MMP16: variants seen among roughly 807,000 people sequenced by gnomAD.
MMP16 encodes the protein matrix metalloproteinase-16.
MMP16 carries 12 observed loss-of-function variants against 67.8 expected under a neutral mutation model. The observed-to-expected ratio is 0.18, with a 90% CI of 0.11 to 0.29. The LOEUF (loss-of-function observed/expected upper bound fraction) is 0.29, where lower values mean the gene tolerates loss of function less well. MMP16 is among the 10% of genes least tolerant of loss of function. MMP16 has a pLI of 1.00. For synonymous variants in MMP16, 249 were observed against 255.9 expected (o/e 0.97, Z 0.26); for missense variants, 475 against 765.7 (o/e 0.62, Z 4.48).
intron 8 of MMP16, among the ~76,000 whole-genome samples, chr8:88,051,915 AT>A (rs1808276258): frequency 6.6e-6 from 1 of 152,208 alleles, no homozygotes; most frequent in Admixed American, 6.5e-5. Context: ...ATTGTAGTGT[AT>A]TAACAAAAGG....
Position 88,032,548 on chromosome 8 carries a change from G to A in MMP16, c.*8913C>T, listed in dbSNP as rs764186552. 3.3e-5 allele frequency: 5 copies of A among 152,072 alleles called. No individual in the cohort carries two copies. The highest frequency in any genetic ancestry group is 7.4e-5 in the Non-Finnish European group (5 of 68,004). 9.4% of individuals were successfully genotyped at this position (152,072 alleles called of 1,614,324 possible). Reference sequence around the variant, plus strand: ...AGACAACTTGTGAATAATAAACACTGTTCAATGCACTGATCAATAAAATCA... The same window carrying A: ...AGACAACTTGTGAATAATAAACACTATTCAATGCACTGATCAATAAAATCA... On this transcript the variant is annotated 3_prime_UTR_variant, in exon 10 of 10. Coordinates refer to ENST00000286614, the MANE Select transcript of MMP16 (RefSeq NM_005941.5).
intron 6 of MMP16, among the ~76,000 whole-genome samples, chr8:88,111,749 G>A (rs951637312): frequency 1.3e-5 from 2 of 151,660 alleles, no homozygotes; most frequent in African/African-American, 4.8e-5. Context: ...AAACCAATCT[G>A]GGGGATACTA....
intron 4 of MMP16, among the ~76,000 whole-genome samples, chr8:88,146,037 T>C (rs1247790993): frequency 1.3e-5 from 2 of 152,030 alleles, no homozygotes; most frequent in Admixed American, 6.6e-5. Flanking sequence ...TCATTTTTAA[T>C]ATCATCTTTC....
At chr8:88,317,519 T>G (rs1811392212) in intron 1 of MMP16, among the ~76,000 whole-genome samples, 1 of 152,196 alleles carries the variant, frequency 6.6e-6, no homozygotes, top group African/African-American at 2.4e-5. Context: ...TTATATGCAC[T>G]GGGAAACCAA....
At position 88,055,067 on chromosome 8, in the gene MMP16, G is replaced by T. The variant is rs28991905; in HGVS notation, c.1373+1061C>A. ...GCTAGTAATAATTTAATTAAAATTT[G>T]ATTTTTTATATTTTTAAATATTTAT... is the stretch of plus-strand genomic sequence containing the variant. On this transcript the variant is annotated intron_variant, in intron 8 of 9. Coordinates refer to ENST00000286614, the MANE Select transcript of MMP16 (RefSeq NM_005941.5). Among the ~76,000 whole-genome samples, 443 of 151,820 alleles carry T rather than the reference G, an allele frequency of 2.9e-3. 2 individuals carry two copies. The highest frequency in any genetic ancestry group is 0.01 in the African/African-American group (421 of 41,472).
chr8:88,265,901 AT>A (rs1202262885), intron 1 of MMP16, among the ~76,000 whole-genome samples: 1 of 152,200 alleles, frequency 6.6e-6, no homozygotes, highest in Non-Finnish European at 1.5e-5. Flanking sequence ...AAACAAAGAA[AT>A]GGAGTTGAAT....
At chr8:88,287,627 A>T (rs1414769506) in intron 1 of MMP16, among the ~76,000 whole-genome samples, 1 of 152,254 alleles carries the variant, frequency 6.6e-6, no homozygotes, top group Non-Finnish European at 1.5e-5. Context: ...TGTATCAAAC[A>T]AAATAATGAA....
At position 88,032,935 on chromosome 8, in the gene MMP16, T is replaced by G. The variant is rs1040180002; in HGVS notation, c.*8526A>C. ...TAGATTTTAATACTCTCTCCATAAT[T>G]GAAAACATCATGGGGAATTAAAAGA... On this transcript the variant is annotated 3_prime_UTR_variant, in exon 10 of 10. Transcript: ENST00000286614. 3 of 152,058 alleles carry G rather than the reference T, an allele frequency of 2.0e-5. No homozygotes were observed. The highest frequency in any genetic ancestry group is 1.3e-4 in the Admixed American group (2 of 15,254). The allele number at this position is 152,058 out of a possible 1,614,324, so 9.4% of individuals were successfully genotyped here.
chr8:88,209,172 T>C (rs1353349675), intron 1 of MMP16, among the ~76,000 whole-genome samples: 1 of 151,956 alleles, frequency 6.6e-6, no homozygotes, highest in African/African-American at 2.4e-5. Context: ...AAAATGTATT[T>C]CTGTATGAGT....
At chr8:88,149,715 C>A (rs1222633560) in intron 4 of MMP16, among the ~76,000 whole-genome samples, 1 of 151,910 alleles carries the variant, frequency 6.6e-6, no homozygotes, top group Non-Finnish European at 1.5e-5. Context: ...ATCTGTACAT[C>A]ACCATCATCA....
intron 1 of MMP16, among the ~76,000 whole-genome samples, chr8:88,230,939 A>G (rs1270212572): frequency 6.6e-6 from 1 of 152,110 alleles, no homozygotes; most frequent in Non-Finnish European, 1.5e-5. Flanking sequence ...GACCTCTGAC[A>G]TTTACTATCT....
chr8:88,062,234 T>G (rs1004155475), intron 7 of MMP16, among the ~76,000 whole-genome samples: 8 of 152,088 alleles, frequency 5.3e-5, no homozygotes, highest in Admixed American at 3.3e-4. Context: ...TCAACCATTG[T>G]GGAAGACAGT....
At chr8:88,093,463 G>A (rs1808974201) in intron 6 of MMP16, among the ~76,000 whole-genome samples, 2 of 151,766 alleles carry the variant, frequency 1.3e-5, no homozygotes, top group Admixed American at 6.6e-5. Flanking sequence ...GAGACAGCCT[G>A]GTCCATAAAC....
chr8:88,300,134 A>T (rs553643423), intron 1 of MMP16, among the ~76,000 whole-genome samples: 1 of 152,328 alleles, frequency 6.6e-6, no homozygotes, highest in South Asian at 2.1e-4. Flanking sequence ...CAATAGTATC[A>T]ACTACCATAC....
At chr8:88,075,938 T>TACACACAC (rs71556442) in intron 6 of MMP16, among the ~76,000 whole-genome samples, 10,889 of 140,356 alleles carry the variant, frequency 0.078, 583 homozygotes, top group African/African-American at 0.14. Flanking sequence ...CATATATTCA[T>TACACACAC]ACACACACAC....
intron 4 of MMP16, among the ~76,000 whole-genome samples, chr8:88,147,503 A>C (rs1309487340): frequency 1.3e-5 from 2 of 151,878 alleles, no homozygotes; most frequent in African/African-American, 2.4e-5. Flanking sequence ...CTTATACTTC[A>C]TGTCTCAGAA....
At chr8:88,159,222 G>T (rs1030470690) in intron 4 of MMP16, among the ~76,000 whole-genome samples, 19 of 151,956 alleles carry the variant, frequency 1.3e-4, no homozygotes, top group African/African-American at 3.9e-4. Flanking sequence ...GGTAGCTTGA[G>T]GGGGATGGCA....
intron 7 of MMP16, 71 bp downstream of exon 7, chr8:88,074,534 T>G (rs889441426): frequency 1.4e-6 from 2 of 1,402,180 alleles, no homozygotes; most frequent in Admixed American, 2.2e-5. Flanking sequence ...TTCATCACTT[T>G]TGTGTGCACC....
chr8:88,108,316 A>G (rs898816745), intron 6 of MMP16, among the ~76,000 whole-genome samples: 10 of 151,228 alleles, frequency 6.6e-5, no homozygotes, highest in African/African-American at 2.4e-4. Flanking sequence ...TCTAACCAAT[A>G]TCTACTCCCT....
Sources: gnomAD v4.1 joint callset for allele counts (sites outside exome capture counted in the v4.1 genomes callset) on GRCh38, gnomAD v4.1.1 for gene constraint, MANE v1.5 for transcripts, NCBI Gene and HGNC (gene_info 2026-07-23, HGNC 2026-07-21) for gene names.